Variants in FANK1 observed in about 807,000 individuals in gnomAD.
FANK1 encodes the protein fibronectin type III and ankyrin repeat domains 1, also known as fibronectin type 3 and ankyrin repeat domains protein 1.
A neutral mutation model predicts 45.3 loss-of-function variants in FANK1; 44 were observed. That is an observed-to-expected ratio of 0.97 (90% CI 0.76 to 1.25). The LOEUF is 1.25. Ranked by LOEUF, FANK1 falls within the 50% of genes most tolerant of loss-of-function variation. FANK1 has a pLI of 0.00. For synonymous variants in FANK1, 149 were observed against 152.5 expected (o/e 0.98, Z 0.17); for missense variants, 391 against 424.4 (o/e 0.92, Z 0.69).
intron 1 of FANK1, among the ~76,000 whole-genome samples, chr10:125,965,402 C>T (rs1246797542): frequency 1.3e-5 from 2 of 152,206 alleles, no homozygotes; most frequent in East Asian, 3.9e-4. Context: ...TTGTGACATA[C>T]TGTGTCTAAA....
chr10:125,986,838 G>A (rs115515566), intron 2 of FANK1, among the ~76,000 whole-genome samples: 3,714 of 152,210 alleles, frequency 0.024, 146 homozygotes, highest in African/African-American at 0.083. Flanking sequence ...TGAATTTGGC[G>A]GAAGGAACTT....
rs1475559505 is a variant in FANK1, at chr10:125,978,536, C to T, written c.14-1625C>T. On this transcript the variant is annotated intron_variant, in intron 1 of 10. Coordinates refer to ENST00000368693, the MANE Select transcript of FANK1 (RefSeq NM_145235.5). ...GCTCGGGCAGGGGTGGCTAGAGGCCCCAGTTGGAAGGTCCTGCCCAGTGAG... is the reference window on the plus strand; with the variant it reads ...GCTCGGGCAGGGGTGGCTAGAGGCCTCAGTTGGAAGGTCCTGCCCAGTGAG... Among the ~76,000 whole-genome samples the T allele has an allele frequency of 2.0e-5, 3 of 152,074 alleles. No homozygotes were observed. In the East Asian group the frequency reaches 5.8e-4, roughly 29 times the overall value.
intron 1 of FANK1, among the ~76,000 whole-genome samples, chr10:125,937,014 C>T (rs1370573582): frequency 1.3e-5 from 2 of 151,928 alleles, no homozygotes; most frequent in Admixed American, 1.3e-4. Context: ...TTGCAGTGAG[C>T]AGAGGTCGCA....
intron 7 of FANK1, 22 bp from the exon 8 acceptor site, chr10:126,008,385 A>G (rs777164026): frequency 4.5e-6 from 7 of 1,571,544 alleles, no homozygotes; most frequent in African/African-American, 1.4e-5. Context: ...GGCTCAACAC[A>G]GCTGTTTCTC....
chr10:125,980,103 T>A, intron 1 of FANK1, 58 bp from the exon 2 acceptor site: 1 of 1,555,094 alleles, frequency 6.4e-7, no homozygotes, highest in South Asian at 1.2e-5. Flanking sequence ...TCCACTCGAC[T>A]GGTCTCTCTT....
At chr10:125,994,572 T>A (rs1952178681) in intron 3 of FANK1, 1 of 985,424 alleles carries the variant, frequency 1.0e-6, no homozygotes, top group Non-Finnish European at 1.2e-6. Flanking sequence ...GTACTTACGA[T>A]GTGTCAGGTG....
chr10:125,953,399 G>T (rs1373578324), intron 1 of FANK1, among the ~76,000 whole-genome samples: 3 of 152,126 alleles, frequency 2.0e-5, no homozygotes, highest in African/African-American at 7.2e-5. Context: ...AAATAGAATG[G>T]AGTCACCTCA....
At chr10:126,004,602 A>G in intron 6 of FANK1, 1 of 344,192 alleles carries the variant, frequency 2.9e-6, no homozygotes, top group Non-Finnish European at 5.5e-6. Flanking sequence ...CATTTCGTAT[A>G]AATGGAATCA....
At chr10:125,966,112 A>G (rs897099462) in intron 1 of FANK1, among the ~76,000 whole-genome samples, 1 of 151,956 alleles carries the variant, frequency 6.6e-6, no homozygotes, top group Non-Finnish European at 1.5e-5. Context: ...TTTGTCTTTT[A>G]TTGTTTTTGC....
chr10:125,916,890 GC>G (rs1469889561), intron 1 of FANK1, among the ~76,000 whole-genome samples: 8 of 152,184 alleles, frequency 5.3e-5, no homozygotes, highest in African/African-American at 1.7e-4. Context: ...GGTGAGAGGT[GC>G]CCTCTCTGTC....
intron 1 of FANK1, among the ~76,000 whole-genome samples, chr10:125,907,041 G>C (rs767636921): frequency 3.9e-5 from 6 of 152,232 alleles, no homozygotes; most frequent in Admixed American, 1.3e-4. Flanking sequence ...ACTGAACCAG[G>C]GTTGTTCTAA....
At chr10:125,976,920 G>A (rs1950889372) in intron 1 of FANK1, among the ~76,000 whole-genome samples, 1 of 152,098 alleles carries the variant, frequency 6.6e-6, no homozygotes, top group African/African-American at 2.4e-5. Context: ...ACTGTGCCCG[G>A]TCATAAAATT....
intron 1 of FANK1, among the ~76,000 whole-genome samples, chr10:125,905,073 G>A (rs2134106186): frequency 6.9e-6 from 1 of 145,360 alleles, no homozygotes; most frequent in African/African-American, 2.5e-5. Context: ...GGACCTTGCA[G>A]TGAGCTGAAA....
intron 1 of FANK1, among the ~76,000 whole-genome samples, chr10:125,965,121 C>T (rs1011498680): frequency 2.6e-5 from 4 of 152,168 alleles, no homozygotes; most frequent in Non-Finnish European, 4.4e-5. Flanking sequence ...CAAGATTGCA[C>T]TCCAGCCTGG....
At chr10:125,946,606 T>C (rs1004536723) in intron 1 of FANK1, among the ~76,000 whole-genome samples, 2 of 149,880 alleles carry the variant, frequency 1.3e-5, no homozygotes, top group East Asian at 3.9e-4. Context: ...TATGGGACTA[T>C]GTGAAAAGAC....
chr10:125,997,512 G>A (rs368033192), intron 6 of FANK1, 27 bp downstream of exon 6: 8 of 1,602,590 alleles, frequency 5.0e-6, no homozygotes, highest in Non-Finnish European at 6.8e-6. Context: ...GACTGAAATT[G>A]TGCTGATGTT....
intron 3 of FANK1, among the ~76,000 whole-genome samples, chr10:125,995,157 C>A (rs1046120684): frequency 6.6e-6 from 1 of 151,932 alleles, no homozygotes; most frequent in Non-Finnish European, 1.5e-5. Flanking sequence ...TTCCAAATAT[C>A]AAAGTAACAT....
At chr10:125,916,108 G>A (rs1946427065) in intron 1 of FANK1, among the ~76,000 whole-genome samples, 2 of 151,938 alleles carry the variant, frequency 1.3e-5, no homozygotes, top group South Asian at 4.1e-4. Flanking sequence ...TGCAATCTCA[G>A]CTCACTGCAA....
At chr10:125,941,746 T>TATCA (rs1948466715) in intron 1 of FANK1, among the ~76,000 whole-genome samples, 1 of 152,236 alleles carries the variant, frequency 6.6e-6, no homozygotes, top group Non-Finnish European at 1.5e-5. Context: ...CAACTTGATA[T>TATCA]ATCCCAGTAA....
Sources: gnomAD v4.1 joint callset for allele counts (sites outside exome capture counted in the v4.1 genomes callset) on GRCh38, gnomAD v4.1.1 for gene constraint, MANE v1.5 for transcripts, NCBI Gene and HGNC (gene_info 2026-07-23, HGNC 2026-07-21) for gene names.